The following LRP1B variants were observed in gnomAD, a reference collection of about 807,000 sequenced individuals.
LRP1B encodes the protein low-density lipoprotein receptor-related protein 1B.
A neutral mutation model predicts 556.6 loss-of-function variants in LRP1B; 217 were observed. The ratio of observed to expected loss-of-function variants is 0.39; its 90% CI spans 0.35 to 0.44. The LOEUF is 0.44. LRP1B is among the 20% of genes least tolerant of loss of function. The probability of loss-of-function intolerance (pLI) is 1.00; values close to 1 mark genes in which losing one functional copy is unlikely to be tolerated. For synonymous variants in LRP1B, 2,047 were observed against 1,865.8 expected (o/e 1.10, Z -2.50); for missense variants, 5,053 against 5,620.8 (o/e 0.90, Z 3.23).
chr2:140,598,987 T>C, intron 42 of LRP1B, 152 bp from the exon 43 acceptor site: 6 of 610,612 alleles, frequency 9.8e-6, no homozygotes, highest in Non-Finnish European at 1.4e-5. Flanking sequence ...TAAAAGGAGA[T>C]ATGCATATTA....
chr2:141,055,331 C>G (rs1029703873), intron 9 of LRP1B, 72 bp from the exon 10 acceptor site: 5 of 1,508,916 alleles, frequency 3.3e-6, no homozygotes, highest in Non-Finnish European at 4.5e-6. Context: ...ATCAGTATGT[C>G]AAAATTTCTA....
At chr2:141,078,537 C>T (rs1251164107) in intron 7 of LRP1B, among the ~76,000 whole-genome samples, 1 of 152,102 alleles carries the variant, frequency 6.6e-6, no homozygotes, top group African/African-American at 2.4e-5. Context: ...TGGTTGATGG[C>T]TTGAACAGAC....
intron 1 of LRP1B, among the ~76,000 whole-genome samples, chr2:142,034,507 A>G (rs1300386501): frequency 6.6e-6 from 1 of 151,610 alleles, no homozygotes. Flanking sequence ...TACCTCTGTA[A>G]AGAGCTTTGG....
intron 3 of LRP1B, among the ~76,000 whole-genome samples, chr2:141,453,926 GA>G (rs66823116): frequency 0.21 from 29,853 of 145,550 alleles, 3,492 homozygotes; most frequent in East Asian, 0.45. Context: ...AAAAAAAAAA[GA>G]AAAAAAAAAG....
intron 1 of LRP1B, among the ~76,000 whole-genome samples, chr2:141,944,654 T>C (rs895278892): frequency 7.2e-5 from 11 of 152,084 alleles, no homozygotes; most frequent in African/African-American, 2.7e-4. Flanking sequence ...CAAAGATATA[T>C]ATCCAAAGAA....
intron 1 of LRP1B, among the ~76,000 whole-genome samples, chr2:142,056,398 G>A (rs1704672534): frequency 6.6e-6 from 1 of 151,916 alleles, no homozygotes; most frequent in East Asian, 1.9e-4. Context: ...AATTATATGG[G>A]GAGTCACAAA....
chr2:141,166,321 CCTCTT>C (rs1488462423), intron 7 of LRP1B, among the ~76,000 whole-genome samples: 1 of 151,328 alleles, frequency 6.6e-6, no homozygotes, highest in Admixed American at 6.6e-5. Flanking sequence ...TCTTAAATGT[CCTCTT>C]CTCAGTGAGG....
intron 3 of LRP1B, among the ~76,000 whole-genome samples, chr2:141,297,249 T>C (rs1686216244): frequency 6.6e-6 from 1 of 152,114 alleles, no homozygotes; most frequent in Non-Finnish European, 1.5e-5. Context: ...TTGAATAGTA[T>C]AGTGAGATAT....
chr2:140,750,343 T>G (rs1688532776), intron 35 of LRP1B, among the ~76,000 whole-genome samples: 1 of 152,196 alleles, frequency 6.6e-6, no homozygotes, highest in South Asian at 2.1e-4. Context: ...GGAATCTGAC[T>G]ATAAACAAAT....
At chr2:140,546,123 C>T (rs1330364240) in intron 43 of LRP1B, among the ~76,000 whole-genome samples, 1 of 151,366 alleles carries the variant, frequency 6.6e-6, no homozygotes, top group Non-Finnish European at 1.5e-5. Context: ...AATTTGTGTA[C>T]ATTGGTTTTT....
At chr2:140,690,846 TG>T in intron 41 of LRP1B, among the ~76,000 whole-genome samples, 1 of 152,194 alleles carries the variant, frequency 6.6e-6, no homozygotes, top group East Asian at 1.9e-4. Context: ...AATAAAACAA[TG>T]CTCCATTAGA....
chr2:141,384,547 C>T (rs1017874232), intron 3 of LRP1B, among the ~76,000 whole-genome samples: 16 of 152,140 alleles, frequency 1.1e-4, no homozygotes, highest in African/African-American at 3.6e-4. Flanking sequence ...GAGTTGGTCT[C>T]CCCTGTGTGA....
chr2:140,876,707 A>G (rs1208447625), intron 25 of LRP1B, among the ~76,000 whole-genome samples: 2 of 152,320 alleles, frequency 1.3e-5, no homozygotes, highest in South Asian at 4.1e-4. Context: ...TTGATAGTAC[A>G]AATCCATGGC....
chr2:141,122,946 G>C, intron 7 of LRP1B, among the ~76,000 whole-genome samples: 1 of 152,126 alleles, frequency 6.6e-6, no homozygotes, highest in Admixed American at 6.6e-5. Flanking sequence ...CATGTCCTTT[G>C]TAGGGACATG....
At chr2:140,732,707 A>T (rs1687818542) in intron 35 of LRP1B, among the ~76,000 whole-genome samples, 1 of 152,246 alleles carries the variant, frequency 6.6e-6, no homozygotes, top group South Asian at 2.1e-4. Context: ...GGAAAAAAAA[A>T]AATTAAAGAT....
intron 75 of LRP1B, among the ~76,000 whole-genome samples, chr2:140,354,890 T>A (rs548006192): frequency 1.3e-5 from 2 of 152,178 alleles, no homozygotes; most frequent in African/African-American, 4.8e-5. Flanking sequence ...TAGCAATTTC[T>A]TATGCATTTT....
chr2:141,704,669 T>G (rs1692072647), intron 2 of LRP1B, among the ~76,000 whole-genome samples: 1 of 151,948 alleles, frequency 6.6e-6, no homozygotes. Flanking sequence ...CATCTCAGAC[T>G]AGATGCCTGA....
chr2:140,668,180 G>A (rs992096635), intron 41 of LRP1B, among the ~76,000 whole-genome samples: 5 of 151,656 alleles, frequency 3.3e-5, no homozygotes, highest in South Asian at 2.1e-4. Context: ...GTGTGGCGGC[G>A]TGCACCTTAG....
intron 3 of LRP1B, among the ~76,000 whole-genome samples, chr2:141,391,280 G>A (rs572958362): frequency 4.9e-4 from 74 of 152,122 alleles, no homozygotes; most frequent in African/African-American, 1.0e-3. Flanking sequence ...ACTTATAGCC[G>A]GTGTTGAATA....
Sources: gnomAD v4.1 joint callset for allele counts (sites outside exome capture counted in the v4.1 genomes callset) on GRCh38, gnomAD v4.1.1 for gene constraint, MANE v1.5 for transcripts, NCBI Gene and HGNC (gene_info 2026-07-23, HGNC 2026-07-21) for gene names.